RALGPS1: variants seen among roughly 807,000 people sequenced by gnomAD.
The protein encoded by RALGPS1 is Ral GEF with PH domain and SH3 binding motif 1, also known as ras-specific guanine nucleotide-releasing factor RalGPS1.
A neutral mutation model predicts 78.8 loss-of-function variants in RALGPS1; 19 were observed. That is an observed-to-expected ratio of 0.24 (90% confidence interval 0.17 to 0.35). The LOEUF is 0.35. Ranked by LOEUF, RALGPS1 falls within the 10% of genes least tolerant of loss-of-function variation. The pLI is 1.00. For missense variants in RALGPS1, 454 were observed against 688.3 expected, an observed-to-expected ratio of 0.66 and a Z score of 3.81; for synonymous variants, 228 against 256.3, an observed-to-expected ratio of 0.89 and a Z score of 1.06.
chr9:127,138,014 T>C (rs1350715125), intron 8 of RALGPS1, among the ~76,000 whole-genome samples: 1 of 152,158 alleles, frequency 6.6e-6, no homozygotes, highest in East Asian at 1.9e-4. Flanking sequence ...AAGTGGCTGA[T>C]TATCACAAAG....
chr9:127,044,846 G>A (rs1326770846), intron 5 of RALGPS1, among the ~76,000 whole-genome samples: 3 of 152,322 alleles, frequency 2.0e-5, no homozygotes, highest in Non-Finnish European at 2.9e-5. Flanking sequence ...GTTGCATATG[G>A]AGGATGCCTT....
chr9:127,095,940 C>G lies in RALGPS1; in HGVS notation c.610+26584C>G, dbSNP rs570971042. ...CTTGCTTCCCACTGCCCAGTATTGC[C>G]CCGATAAGAAAGATTGGTTTGGGTG... On this transcript the variant is annotated intron_variant, in intron 8 of 18. Transcript: ENST00000259351. Among the ~76,000 whole-genome samples, 756 of 152,232 alleles carry G rather than the reference C, an allele frequency of 5.0e-3. 2 individuals are homozygous for G. The highest frequency in any genetic ancestry group is 8.0e-3 in the Non-Finnish European group (542 of 68,004).
chr9:127,063,885 G>T (rs540490520), intron 7 of RALGPS1, among the ~76,000 whole-genome samples: 5 of 151,950 alleles, frequency 3.3e-5, no homozygotes, highest in African/African-American at 9.7e-5. Context: ...CAAGTAATTG[G>T]GTTTTTCAGT....
intron 7 of RALGPS1, among the ~76,000 whole-genome samples, chr9:127,057,521 GC>G (rs1191054495): frequency 1.3e-5 from 2 of 152,198 alleles, no homozygotes; most frequent in African/African-American, 2.4e-5. Context: ...CTGAACATAG[GC>G]CTGTACACAG....
intron 5 of RALGPS1, among the ~76,000 whole-genome samples, chr9:127,046,523 CCAAA>C (rs982266381): frequency 3.9e-5 from 6 of 152,066 alleles, no homozygotes; most frequent in African/African-American, 1.4e-4. Context: ...TTCGATTCCT[CCAAA>C]CAATGTATAA....
intron 5 of RALGPS1, among the ~76,000 whole-genome samples, chr9:127,046,231 TAATC>T (rs1489893258): frequency 1.3e-5 from 2 of 152,236 alleles, no homozygotes; most frequent in Admixed American, 1.3e-4. Flanking sequence ...AAATTTCAAA[TAATC>T]TATGTAGATT....
chr9:127,029,271 AC>A (rs2046218295), intron 4 of RALGPS1, among the ~76,000 whole-genome samples: 3 of 152,102 alleles, frequency 2.0e-5, no homozygotes, highest in South Asian at 4.2e-4. Flanking sequence ...CCCCAGTCAG[AC>A]CCACTCTGGT....
rs190640929 is a variant in RALGPS1, at chr9:126,988,351, G to C, written c.216+10606G>C. Among the ~76,000 whole-genome samples the C allele has an allele frequency of 2.6e-5, 4 of 152,286 alleles. No individual in the cohort carries two copies. The East Asian group carries it at 7.7e-4, about 29-fold the overall frequency. On this transcript the variant is annotated intron_variant, in intron 4 of 18. Coordinates refer to ENST00000259351, the MANE Select transcript of RALGPS1 (RefSeq NM_014636.3). ...AGGCTTGGAAGGGAGGCTTAGATGT[G>C]CCTGACTAAGGAGTTTGAGCTTTAT...
At chr9:126,946,245 G>C (rs138504686) in intron 1 of RALGPS1, among the ~76,000 whole-genome samples, 1 of 152,280 alleles carries the variant, frequency 6.6e-6, no homozygotes, top group East Asian at 1.9e-4. Context: ...CCTGGATCCT[G>C]ATTAAGATTG....
At chr9:127,084,290 T>G (rs920407888) in intron 8 of RALGPS1, among the ~76,000 whole-genome samples, 2 of 152,018 alleles carry the variant, frequency 1.3e-5, no homozygotes, top group African/African-American at 2.4e-5. Context: ...TCACTGAAGT[T>G]TCTGGCCCGT....
At chr9:126,922,115 C>T (rs568343830) in intron 1 of RALGPS1, among the ~76,000 whole-genome samples, 16 of 152,128 alleles carry the variant, frequency 1.1e-4, no homozygotes, top group Non-Finnish European at 2.4e-4. Flanking sequence ...ATTCTGGGCG[C>T]GTTTGTCTCA....
chr9:126,932,513 T>C (rs1045702201), intron 1 of RALGPS1, among the ~76,000 whole-genome samples: 3 of 152,108 alleles, frequency 2.0e-5, no homozygotes, highest in African/African-American at 7.2e-5. Context: ...TGTCCATTGG[T>C]AGTAGAAGGG....
chr9:127,201,185 A>G (rs562594893), intron 14 of RALGPS1, among the ~76,000 whole-genome samples: 1 of 152,342 alleles, frequency 6.6e-6, no homozygotes, highest in Non-Finnish European at 1.5e-5. Context: ...ATCCATCTGA[A>G]TGTCTAGAAT....
chr9:127,191,985 C>A (rs914560620), intron 11 of RALGPS1, among the ~76,000 whole-genome samples: 1 of 152,212 alleles, frequency 6.6e-6, no homozygotes, highest in Non-Finnish European at 1.5e-5. Context: ...GCGTGAGCCA[C>A]GGCGCCCGGC....
chr9:127,008,282 A>G (rs1813148541), intron 4 of RALGPS1, among the ~76,000 whole-genome samples: 4 of 152,138 alleles, frequency 2.6e-5, no homozygotes. Context: ...TACACTTCTT[A>G]CTCAAATAGC....
At chr9:127,154,170 T>A (rs2058586005) in intron 8 of RALGPS1, among the ~76,000 whole-genome samples, 1 of 152,260 alleles carries the variant, frequency 6.6e-6, no homozygotes, top group South Asian at 2.1e-4. Flanking sequence ...TGGGTGAGAC[T>A]GGCTCCCAGG....
At chr9:127,119,224 A>G (rs1288106882) in intron 8 of RALGPS1, among the ~76,000 whole-genome samples, 1 of 152,196 alleles carries the variant, frequency 6.6e-6, no homozygotes, top group Non-Finnish European at 1.5e-5. Context: ...GCTGAGGCTC[A>G]TCTCTAAGAG....
intron 7 of RALGPS1, among the ~76,000 whole-genome samples, chr9:127,069,023 C>G (rs2049952428): frequency 6.6e-6 from 1 of 152,176 alleles, no homozygotes. Flanking sequence ...TCAATTTGGT[C>G]CAGTGTCCAA....
At chr9:126,918,532 AG>A (rs971331936) in intron 1 of RALGPS1, among the ~76,000 whole-genome samples, 48 of 152,136 alleles carry the variant, frequency 3.2e-4, no homozygotes, top group Admixed American at 7.2e-4. Flanking sequence ...TATGTTGCCC[AG>A]GCTGGTCTCG....
Sources: allele counts gnomAD v4.1 joint callset (sites outside exome capture counted in the v4.1 genomes callset), GRCh38; gene constraint gnomAD v4.1.1; transcripts MANE v1.5; gene names NCBI Gene and HGNC (gene_info 2026-07-23, HGNC 2026-07-21).